The following JMJD1C variants were observed in gnomAD, a reference collection of about 807,000 sequenced individuals.
The protein encoded by JMJD1C is jumonji domain-containing protein 1C.
In JMJD1C, 31 loss-of-function variants were observed where a neutral mutation model predicts 245.3. That is an observed-to-expected ratio of 0.13 (90% CI 0.09 to 0.17). The LOEUF is 0.17. JMJD1C is among the 10% of genes least tolerant of loss of function. JMJD1C has a pLI of 1.00. For synonymous variants in JMJD1C, 1,057 were observed against 1,017.4 expected (o/e 1.04, Z -0.74); for missense variants, 2,691 against 3,000.2 (o/e 0.90, Z 2.41).
chr10:63,360,502 G>C (rs1415943665), intron 2 of JMJD1C, among the ~76,000 whole-genome samples: 1 of 152,134 alleles, frequency 6.6e-6, no homozygotes, highest in African/African-American at 2.4e-5. Flanking sequence ...AACTTGGCTT[G>C]CAATCTTGGT....
At chr10:63,419,473 C>A (rs1159531567) in intron 1 of JMJD1C, among the ~76,000 whole-genome samples, 1 of 152,050 alleles carries the variant, frequency 6.6e-6, no homozygotes, top group Non-Finnish European at 1.5e-5. Flanking sequence ...AACTACTGAG[C>A]CAAGACCTGA....
At chr10:63,314,705 T>C (rs1939710459) in intron 2 of JMJD1C, among the ~76,000 whole-genome samples, 1 of 151,788 alleles carries the variant, frequency 6.6e-6, no homozygotes, top group Non-Finnish European at 1.5e-5. Context: ...TGGAGTGTAA[T>C]GGTGCGAGCT....
chr10:63,240,118 G>A (rs565077154), intron 3 of JMJD1C, among the ~76,000 whole-genome samples: 20 of 152,306 alleles, frequency 1.3e-4, no homozygotes, highest in Admixed American at 9.8e-4. Context: ...GCACAGAGAA[G>A]ATGCTTAGTA....
intron 2 of JMJD1C, among the ~76,000 whole-genome samples, chr10:63,320,033 T>C (rs1345703181): frequency 6.6e-6 from 1 of 152,180 alleles, no homozygotes; most frequent in African/African-American, 2.4e-5. Context: ...CCCAAAGCGC[T>C]TGGATTACAG....
At chr10:63,276,902 T>TTTTTTTTTG (rs71025142) in intron 2 of JMJD1C, among the ~76,000 whole-genome samples, 1 of 142,028 alleles carries the variant, frequency 7.0e-6, no homozygotes, top group East Asian at 2.0e-4. Flanking sequence ...TTTTTTTTTT[T>TTTTTTTTTG]GAGAGAGAGT....
intron 1 of JMJD1C, among the ~76,000 whole-genome samples, chr10:63,445,994 G>C (rs190851539): frequency 6.8e-6 from 1 of 146,042 alleles, no homozygotes; most frequent in Non-Finnish European, 1.5e-5. Flanking sequence ...TCCCACCTCA[G>C]CCTCCCAAGT....
chr10:63,342,922 T>C (rs1943502056), intron 2 of JMJD1C, among the ~76,000 whole-genome samples: 1 of 152,164 alleles, frequency 6.6e-6, no homozygotes. Context: ...ATACAAAATA[T>C]AAACAAATTT....
chr10:63,477,805 G>A (rs1953710510), intron 1 of JMJD1C, among the ~76,000 whole-genome samples: 1 of 152,102 alleles, frequency 6.6e-6, no homozygotes, highest in Non-Finnish European at 1.5e-5. Context: ...GTCACAGGGT[G>A]AGGTAAAATA....
chr10:63,447,204 T>C (rs976990549), intron 1 of JMJD1C, among the ~76,000 whole-genome samples: 12 of 152,178 alleles, frequency 7.9e-5, no homozygotes, highest in Non-Finnish European at 1.8e-4. Context: ...CTTGAACTCA[T>C]ACACAGCCTC....
intron 11 of JMJD1C, 76 bp from the exon 12 acceptor site, chr10:63,198,803 A>G: frequency 1.2e-6 from 1 of 803,056 alleles, no homozygotes; most frequent in Non-Finnish European, 1.9e-6. Context: ...TTGTAAATTT[A>G]TAATTATGTT....
chr10:63,434,585 T>C (rs759380439), intron 1 of JMJD1C, among the ~76,000 whole-genome samples: 2 of 151,844 alleles, frequency 1.3e-5, no homozygotes, highest in African/African-American at 4.8e-5. Context: ...AGATAAAGAT[T>C]GACCAACCTG....
intron 1 of JMJD1C, among the ~76,000 whole-genome samples, chr10:63,383,831 G>A (rs1308229873): frequency 1.3e-5 from 2 of 152,182 alleles, no homozygotes; most frequent in Admixed American, 6.5e-5. Flanking sequence ...TTGCCTCAAC[G>A]TTTTTGGCTG....
At chr10:63,220,089 C>A in intron 3 of JMJD1C, 106 bp from the exon 4 acceptor site, 1 of 724,838 alleles carries the variant, frequency 1.4e-6, no homozygotes, top group Non-Finnish European at 2.2e-6. Flanking sequence ...TTCCTTTGAT[C>A]TAAATGTATG....
At chr10:63,342,343 C>A (rs1943454672) in intron 2 of JMJD1C, among the ~76,000 whole-genome samples, 1 of 152,132 alleles carries the variant, frequency 6.6e-6, no homozygotes, top group Admixed American at 6.6e-5. Flanking sequence ...CATAACAGAA[C>A]AAGAAATCAT....
At position 63,167,958 on chromosome 10, in the gene JMJD1C, AAG is replaced by A; in HGVS notation, c.*85_*86del. On this transcript the variant is annotated 3_prime_UTR_variant, in exon 26 of 26. Transcript: ENST00000399262. The stretch of plus-strand genomic sequence containing the variant: ...ATTTCTTGGCACTGATGGTTTTATG[AAG>A]CTTAAAGTCAGTGTGCATACATATC... 1 of 792,016 alleles carries A rather than the reference AAG, an allele frequency of 1.3e-6. No individual in the cohort carries two copies. The highest frequency in any genetic ancestry group is 2.4e-5 in the East Asian group (1 of 40,862). 49.1% of individuals were successfully genotyped at this position (792,016 alleles called of 1,614,324 possible). A position where few individuals can be genotyped will look rare whatever the true frequency, so the allele number is the denominator to read the frequency against.
At chr10:63,440,365 T>TAGAGAGAGAG (rs56364516) in intron 1 of JMJD1C, among the ~76,000 whole-genome samples, 3 of 138,248 alleles carry the variant, frequency 2.2e-5, no homozygotes, top group Non-Finnish European at 3.1e-5. Flanking sequence ...TATATATATA[T>TAGAGAGAGAG]AGAGAGAGAG....
At position 63,257,226 on chromosome 10, in the gene JMJD1C, CAAAAAAAAAAAA is replaced by C. The variant is rs71025139; in HGVS notation, c.447+7413_447+7424del. Among the ~76,000 whole-genome samples the C allele has an allele frequency of 1.3e-4, 12 of 92,620 alleles. No individual in the cohort carries two copies. The South Asian group carries it at 4.3e-3, about 33-fold the overall frequency. The allele number at this position is 92,620 out of a possible 152,430, so 60.8% of individuals were successfully genotyped here. On this transcript the variant is annotated intron_variant, in intron 3 of 25. Coordinates refer to ENST00000399262, the MANE Select transcript of JMJD1C (RefSeq NM_032776.3). ...TGGGTGACAGAGTGAGACTTCATCT[CAAAAAAAAAAAA>C]AAAAAAGAAAGAAAAGGAAAAAGAA...
At chr10:63,517,867 A>T (rs1955071665) in intron 1 of JMJD1C, among the ~76,000 whole-genome samples, 1 of 142,200 alleles carries the variant, frequency 7.0e-6, no homozygotes, top group Non-Finnish European at 1.5e-5. Context: ...ATCTCAGCTC[A>T]GTGCAACCTC....
chr10:63,493,902 A>C (rs1159575526), intron 1 of JMJD1C, among the ~76,000 whole-genome samples: 1 of 152,190 alleles, frequency 6.6e-6, no homozygotes. Flanking sequence ...ACATTTTTTA[A>C]AAAGAAGGAA....
Sources: allele counts gnomAD v4.1 joint callset (sites outside exome capture counted in the v4.1 genomes callset), GRCh38; gene constraint gnomAD v4.1.1; transcripts MANE v1.5; gene names NCBI Gene and HGNC (gene_info 2026-07-23, HGNC 2026-07-21).